Variants in PCDH9 observed in about 807,000 individuals in gnomAD.
The protein encoded by PCDH9 is protocadherin 9, also known as protocadherin-9.
A neutral mutation model predicts 70.6 loss-of-function variants in PCDH9; 24 were observed. The observed-to-expected ratio is 0.34, with a 90% CI of 0.25 to 0.48. The LOEUF (loss-of-function observed/expected upper bound fraction) is 0.48, where lower values mean the gene tolerates loss of function less well. Among genes scored for constraint, PCDH9 ranks in the 20% least tolerant of loss-of-function variants. PCDH9 has a pLI of 0.99. For synonymous variants in PCDH9, 562 were observed against 558.5 expected, an observed-to-expected ratio of 1.01 and a Z score of -0.09; for missense variants, 1,281 against 1,503.6, an observed-to-expected ratio of 0.85 and a Z score of 2.45.
intron 3 of PCDH9, among the ~76,000 whole-genome samples, chr13:66,891,982 AC>A (rs1366826740): frequency 6.6e-6 from 1 of 151,822 alleles, no homozygotes; most frequent in Non-Finnish European, 1.5e-5. Context: ...CATTCCTCTC[AC>A]TTTTATTCCA....
intron 4 of PCDH9, among the ~76,000 whole-genome samples, chr13:66,456,929 G>A (rs1958328656): frequency 1.3e-5 from 2 of 152,026 alleles, no homozygotes; most frequent in African/African-American, 4.8e-5. Context: ...ATTATTTAAG[G>A]ATGTAAAATA....
chr13:66,396,436 C>G (rs576186067), intron 4 of PCDH9, among the ~76,000 whole-genome samples: 3 of 152,300 alleles, frequency 2.0e-5, no homozygotes, highest in African/African-American at 7.2e-5. Flanking sequence ...CGGACTAAGG[C>G]TTATTTTACA....
intron 4 of PCDH9, among the ~76,000 whole-genome samples, chr13:66,350,755 T>C (rs1026551712): frequency 6.6e-6 from 1 of 152,198 alleles, no homozygotes; most frequent in Non-Finnish European, 1.5e-5. Flanking sequence ...CATTTCCTGT[T>C]TGGATTATTG....
chr13:66,912,061 T>A (rs1270101866), intron 2 of PCDH9, among the ~76,000 whole-genome samples: 2 of 152,138 alleles, frequency 1.3e-5, no homozygotes, highest in Non-Finnish European at 1.5e-5. Flanking sequence ...AAAACTAAAA[T>A]GGAAATTTCT....
chr13:66,642,960 T>A (rs2077727324), intron 3 of PCDH9, among the ~76,000 whole-genome samples: 1 of 151,984 alleles, frequency 6.6e-6, no homozygotes, highest in Admixed American at 6.6e-5. Flanking sequence ...TTTTGGCTCA[T>A]AAATTTAGTA....
intron 2 of PCDH9, among the ~76,000 whole-genome samples, chr13:67,006,878 A>G (rs1594382943): frequency 6.6e-6 from 1 of 152,234 alleles, no homozygotes; most frequent in African/African-American, 2.4e-5. Context: ...ATACATTTAA[A>G]GGAAAATACA....
At chr13:66,644,112 C>A (rs2077740875) in intron 3 of PCDH9, among the ~76,000 whole-genome samples, 1 of 151,712 alleles carries the variant, frequency 6.6e-6, no homozygotes, top group Non-Finnish European at 1.5e-5. Flanking sequence ...AAATTGCTAG[C>A]CTGAAATGAC....
chr13:66,720,363 A>T (rs2078926847), intron 3 of PCDH9, among the ~76,000 whole-genome samples: 1 of 141,184 alleles, frequency 7.1e-6, no homozygotes, highest in African/African-American at 2.6e-5. Context: ...GGGTTTCACC[A>T]TGTTGGCCAA....
chr13:66,594,936 G>A (rs984770726), intron 4 of PCDH9, among the ~76,000 whole-genome samples: 2 of 149,938 alleles, frequency 1.3e-5, no homozygotes, highest in Non-Finnish European at 3.0e-5. Flanking sequence ...GAGGCTTAAT[G>A]TTGAAAGTAA....
intron 4 of PCDH9, among the ~76,000 whole-genome samples, chr13:66,424,588 G>A (rs183674475): frequency 1.3e-5 from 2 of 152,064 alleles, no homozygotes; most frequent in East Asian, 3.9e-4. Context: ...TATAGCTGAT[G>A]ACAACACTGC....
chr13:66,737,955 A>G (rs888454721), intron 3 of PCDH9, among the ~76,000 whole-genome samples: 8 of 152,094 alleles, frequency 5.3e-5, no homozygotes, highest in African/African-American at 1.9e-4. Flanking sequence ...GCTTAGGTAA[A>G]CAAAGCAGCC....
chr13:66,533,366 CTA>C (rs1234528922), intron 4 of PCDH9, among the ~76,000 whole-genome samples: 1 of 149,770 alleles, frequency 6.7e-6, no homozygotes, highest in Non-Finnish European at 1.5e-5. Context: ...GCACCCCTTT[CTA>C]TATCTCATGG....
intron 2 of PCDH9, among the ~76,000 whole-genome samples, chr13:67,021,170 ACAAAG>A (rs1348555096): frequency 1.3e-5 from 2 of 152,130 alleles, no homozygotes; most frequent in African/African-American, 4.8e-5. Flanking sequence ...CCTCCAACTC[ACAAAG>A]CAAAGTGACA....
intron 2 of PCDH9, among the ~76,000 whole-genome samples, chr13:66,919,552 A>T (rs1194287812): frequency 6.6e-6 from 1 of 151,282 alleles, no homozygotes; most frequent in Non-Finnish European, 1.5e-5. Flanking sequence ...GTGGAACCAC[A>T]CATTACATTG....
At chr13:67,090,211 T>C (rs539649699) in intron 2 of PCDH9, among the ~76,000 whole-genome samples, 11 of 152,158 alleles carry the variant, frequency 7.2e-5, no homozygotes, top group African/African-American at 1.4e-4. Flanking sequence ...TTCTCAAATA[T>C]TAATATGTAT....
At chr13:66,476,458 T>C (rs1958731214) in intron 4 of PCDH9, among the ~76,000 whole-genome samples, 1 of 152,104 alleles carries the variant, frequency 6.6e-6, no homozygotes, top group Non-Finnish European at 1.5e-5. Flanking sequence ...TGTTATTCCA[T>C]TTGATGATTT....
At chr13:67,155,880 T>C (rs1321285887) in intron 2 of PCDH9, among the ~76,000 whole-genome samples, 1 of 152,148 alleles carries the variant, frequency 6.6e-6, no homozygotes, top group Non-Finnish European at 1.5e-5. Flanking sequence ...ACTCAAATAT[T>C]AACACAATCT....
At chr13:66,326,950 A>G (rs986358818) in intron 4 of PCDH9, among the ~76,000 whole-genome samples, 2 of 151,596 alleles carry the variant, frequency 1.3e-5, no homozygotes, top group African/African-American at 4.8e-5. Context: ...AATACTTATA[A>G]TCTGGGCTTC....
intron 4 of PCDH9, among the ~76,000 whole-genome samples, chr13:66,572,478 C>A (rs1356155688): frequency 6.6e-6 from 1 of 152,058 alleles, no homozygotes; most frequent in Non-Finnish European, 1.5e-5. Context: ...TCTTTCTGGG[C>A]CTGGCTTCTT....
Sources: allele counts gnomAD v4.1 joint callset (sites outside exome capture counted in the v4.1 genomes callset), GRCh38; gene constraint gnomAD v4.1.1; transcripts MANE v1.5; gene names NCBI Gene and HGNC (gene_info 2026-07-23, HGNC 2026-07-21).